Variants in CMIP observed in about 807,000 individuals in gnomAD.
The protein encoded by CMIP is C-Maf-inducing protein.
A neutral mutation model predicts 97.3 loss-of-function variants in CMIP; 13 were observed. That is an observed-to-expected ratio of 0.13 (90% CI 0.09 to 0.21). The LOEUF (loss-of-function observed/expected upper bound fraction) is 0.21, where lower values mean the gene tolerates loss of function less well. CMIP is among the 10% of genes least tolerant of loss of function. The pLI is 1.00. For missense variants in CMIP, 847 were observed against 1,024.9 expected (o/e 0.83, Z 2.37); for synonymous variants, 538 against 436.3 (o/e 1.23, Z -2.91).
At chr16:81,649,996 C>G (rs899211571) in intron 3 of CMIP, among the ~76,000 whole-genome samples, 1 of 152,228 alleles carries the variant, frequency 6.6e-6, no homozygotes, top group East Asian at 1.9e-4. Context: ...GCTCACAGCA[C>G]TAGGACAGGG....
intron 1 of CMIP, among the ~76,000 whole-genome samples, chr16:81,449,559 C>T (rs1369122415): frequency 6.6e-6 from 1 of 152,204 alleles, no homozygotes; most frequent in Non-Finnish European, 1.5e-5. Flanking sequence ...TGCCCACATG[C>T]ACGCATGTTA....
chr16:81,554,786 A>C (rs894056435), intron 1 of CMIP, among the ~76,000 whole-genome samples: 4 of 151,944 alleles, frequency 2.6e-5, no homozygotes, highest in Admixed American at 2.6e-4. Context: ...ATCTGGTAAG[A>C]CTCTGTGGGA....
At chr16:81,657,885 T>G (rs1042412532) in intron 5 of CMIP, 69 bp downstream of exon 5, 4 of 1,355,278 alleles carry the variant, frequency 3.0e-6, no homozygotes, top group Non-Finnish European at 4.1e-6. Flanking sequence ...CTTTTCCTGG[T>G]TTGGGGTAAT....
intron 1 of CMIP, among the ~76,000 whole-genome samples, chr16:81,515,390 C>T (rs2089892971): frequency 6.6e-6 from 1 of 152,196 alleles, no homozygotes; most frequent in Non-Finnish European, 1.5e-5. Flanking sequence ...TTGGAGGGCA[C>T]TGACGTGTGT....
chr16:81,710,567 A>C lies in CMIP; in HGVS notation c.*768A>C, dbSNP rs1908654085. On this transcript the variant is annotated 3_prime_UTR_variant, in exon 21 of 21. Transcript: ENST00000537098. ...AAAAAAAAAGAACCTCCTTGGAAAA[A>C]TTAATTGCTTTTTCGTAATGGATTC... 1 of 152,146 alleles carries C rather than the reference A, an allele frequency of 6.6e-6. No individual in the cohort carries two copies. The highest frequency in any genetic ancestry group is 2.1e-4 in the South Asian group (1 of 4,826). The allele number at this position is 152,146 out of a possible 1,614,324, so 9.4% of individuals were successfully genotyped here.
chr16:81,680,314 G>A (rs1267502012), intron 10 of CMIP, among the ~76,000 whole-genome samples: 4 of 152,356 alleles, frequency 2.6e-5, no homozygotes, highest in Middle Eastern at 6.8e-3. Context: ...AGGGACAGAG[G>A]GCAGCTTCTG....
At chr16:81,636,644 AAT>A in intron 3 of CMIP, among the ~76,000 whole-genome samples, 1 of 152,186 alleles carries the variant, frequency 6.6e-6, no homozygotes, top group African/African-American at 2.4e-5. Flanking sequence ...GGAAAGATAC[AAT>A]ATCACCGTCA....
At chr16:81,472,320 C>T (rs1432484705) in intron 1 of CMIP, among the ~76,000 whole-genome samples, 1 of 152,226 alleles carries the variant, frequency 6.6e-6, no homozygotes, top group African/African-American at 2.4e-5. Context: ...TATGAACCAA[C>T]TTGAGAGCAA....
At chr16:81,510,662 G>GC (rs2089793728) in intron 1 of CMIP, among the ~76,000 whole-genome samples, 1 of 151,152 alleles carries the variant, frequency 6.6e-6, no homozygotes, top group South Asian at 2.1e-4. Context: ...CAAGACCAAT[G>GC]TTTTTTTTTC....
intron 17 of CMIP, among the ~76,000 whole-genome samples, chr16:81,703,499 A>G (rs1306797894): frequency 3.3e-5 from 5 of 152,032 alleles, no homozygotes; most frequent in Non-Finnish European, 2.9e-5. Flanking sequence ...ACACCAACAC[A>G]CACACACACA....
At chr16:81,651,123 A>T (rs1240809804) in intron 3 of CMIP, 1 of 152,244 alleles carries the variant, frequency 6.6e-6, no homozygotes, top group African/African-American at 2.4e-5. Context: ...AGATTGTGAC[A>T]TGTCACCCCA....
At chr16:81,512,224 C>T (rs189334789) in intron 1 of CMIP, among the ~76,000 whole-genome samples, 7 of 152,222 alleles carry the variant, frequency 4.6e-5, no homozygotes, top group East Asian at 1.9e-4. Flanking sequence ...TTAAAATTTT[C>T]GGCATGATTC....
chr16:81,588,020 C>G (rs977642800), intron 1 of CMIP, among the ~76,000 whole-genome samples: 4 of 152,160 alleles, frequency 2.6e-5, no homozygotes, highest in African/African-American at 9.7e-5. Flanking sequence ...AGGCTGCCGG[C>G]TCTTGCTTCC....
intron 10 of CMIP, among the ~76,000 whole-genome samples, chr16:81,687,632 C>A (rs1362498226): frequency 6.6e-6 from 1 of 152,122 alleles, no homozygotes; most frequent in Non-Finnish European, 1.5e-5. Context: ...CCTCATTTTC[C>A]TCGTCTGTAA....
intron 3 of CMIP, among the ~76,000 whole-genome samples, chr16:81,628,037 C>A (rs1236964345): frequency 6.6e-6 from 1 of 152,126 alleles, no homozygotes; most frequent in Non-Finnish European, 1.5e-5. Flanking sequence ...CCCAGGGGAC[C>A]AGGTCAGAAT....
At chr16:81,697,034 G>T in intron 14 of CMIP, 1 of 249,610 alleles carries the variant, frequency 4.0e-6, no homozygotes, top group Non-Finnish European at 7.8e-6. Flanking sequence ...GAAATTGAGT[G>T]CCCAACGGGA....
Position 81,652,410 on chromosome 16 carries a change from C to T in CMIP, c.639+46C>T, listed in dbSNP as rs1236933193. ...CCCTTTACATTGTTTGCCTTTCCCT[C>T]CACCGATCACCGGCTCCATGCCAAG... is the stretch of plus-strand genomic sequence containing the variant. On this transcript the variant is annotated intron_variant, in intron 4 of 20. Coordinates refer to ENST00000537098, the MANE Select transcript of CMIP (RefSeq NM_198390.3). The surrounding 1 kb of genome is among the most constrained non-coding windows in gnomAD (Gnocchi z 5.2). 1.3e-6 allele frequency: 2 copies of T among 1,505,986 alleles called. No individual in the cohort carries two copies. The highest frequency in any genetic ancestry group is 2.8e-5 in the African/African-American group (2 of 72,080). The allele number at this position is 1,505,986 out of a possible 1,614,324, so 93.3% of individuals were successfully genotyped here. A position where few individuals can be genotyped will look rare whatever the true frequency, so the allele number is the denominator to read the frequency against.
At chr16:81,695,711 C>T (rs1597262458) in intron 13 of CMIP, 1 of 152,264 alleles carries the variant, frequency 6.6e-6, no homozygotes. Flanking sequence ...GGAATTCCTC[C>T]CATACACACA....
In CMIP at chr16:81,711,336, G is replaced by T. The variant is rs992914698; in HGVS notation, c.*1537G>T. The stretch of plus-strand genomic sequence containing the variant: ...CTTTTGTCGTTTTATACTTTGCTAG[G>T]TAGACTTTATTACCCCCCCACTATG... On this transcript the variant is annotated 3_prime_UTR_variant, in exon 21 of 21. Coordinates refer to ENST00000537098, the MANE Select transcript of CMIP (RefSeq NM_198390.3). 1 of 151,796 alleles carries T rather than the reference G, an allele frequency of 6.6e-6. No homozygotes were observed. The highest frequency in any genetic ancestry group is 2.1e-4 in the South Asian group (1 of 4,788). The allele number at this position is 151,796 out of a possible 1,614,324, so 9.4% of individuals were successfully genotyped here.
Sources: allele counts gnomAD v4.1 joint callset (sites outside exome capture counted in the v4.1 genomes callset), GRCh38; gene constraint gnomAD v4.1.1; non-coding constraint Gnocchi (gnomAD v3.1); transcripts MANE v1.5; gene names NCBI Gene and HGNC (gene_info 2026-07-23, HGNC 2026-07-21).